UST: variants seen among roughly 807,000 people sequenced by gnomAD.
UST encodes the protein chondroitin sulfate 2-O-sulfotransferase.
In UST, 21 loss-of-function variants were observed where a neutral mutation model predicts 45.6. The ratio of observed to expected loss-of-function variants is 0.46; its 90% CI spans 0.33 to 0.66. The LOEUF (loss-of-function observed/expected upper bound fraction) is 0.66, where lower values mean the gene tolerates loss of function less well. Ranked by LOEUF, UST falls within the 30% of genes least tolerant of loss-of-function variation. The pLI is 0.02. For missense variants in UST, 463 were observed against 512.4 expected (o/e 0.90, Z 0.93); for synonymous variants, 215 against 200.6 (o/e 1.07, Z -0.61).
intron 1 of UST, among the ~76,000 whole-genome samples, chr6:148,852,636 A>G (rs766574941): frequency 5.9e-5 from 9 of 152,136 alleles, no homozygotes; most frequent in Non-Finnish European, 1.2e-4. Flanking sequence ...CTGCCTAGTG[A>G]ACTGTTCACT....
intron 1 of UST, among the ~76,000 whole-genome samples, chr6:148,772,053 G>C (rs35383725): frequency 0.036 from 5,431 of 152,284 alleles, 171 homozygotes; most frequent in Middle Eastern, 0.051. Context: ...TACATTGGCT[G>C]TTTATAAAAG....
chr6:149,051,013 C>CAG (rs2115036478), intron 7 of UST, among the ~76,000 whole-genome samples: 1 of 152,242 alleles, frequency 6.6e-6, no homozygotes, highest in South Asian at 2.1e-4. Flanking sequence ...GGCAGTTGGG[C>CAG]AGAAGGCACA....
At chr6:149,056,535 AAT>A (rs1776569015) in intron 7 of UST, among the ~76,000 whole-genome samples, 1 of 152,134 alleles carries the variant, frequency 6.6e-6, no homozygotes, top group South Asian at 2.1e-4. Flanking sequence ...CTCCTATACA[AAT>A]GGGAAGGTTG....
At chr6:148,788,609 G>A (rs983604952) in intron 1 of UST, among the ~76,000 whole-genome samples, 6 of 151,906 alleles carry the variant, frequency 3.9e-5, no homozygotes, top group Non-Finnish European at 4.4e-5. Context: ...TCCAATCTGC[G>A]TGGCTGTGAT....
At chr6:149,025,307 T>G (rs1776035238) in intron 7 of UST, among the ~76,000 whole-genome samples, 1 of 152,218 alleles carries the variant, frequency 6.6e-6, no homozygotes, top group African/African-American at 2.4e-5. Context: ...AAACTTAGCC[T>G]TTAGAACTTT....
intron 1 of UST, among the ~76,000 whole-genome samples, chr6:148,881,566 G>T (rs923387996): frequency 6.6e-6 from 1 of 152,200 alleles, no homozygotes; most frequent in Non-Finnish European, 1.5e-5. Context: ...GGAGGAGGGT[G>T]TCAGGAGCGT....
Position 149,074,297 on chromosome 6 carries a change from CTG to C in UST, c.*185_*186del, listed in dbSNP as rs1450623373. The C allele has an allele frequency of 2.0e-4, 137 of 677,612 alleles. 1 individual carries two copies. The highest frequency in any genetic ancestry group is 4.1e-5 in the South Asian group (2 of 49,344). 42.0% of individuals were successfully genotyped at this position (677,612 alleles called of 1,614,324 possible). ...CGGGTTTTATTTGTTTAATTTTATT[CTG>C]TGTTTTCTCTTGGCTCTTTGGGTCT... On this transcript the variant is annotated 3_prime_UTR_variant, in exon 8 of 8. Transcript: ENST00000367463.
At chr6:148,983,322 G>A (rs541602374) in intron 5 of UST, among the ~76,000 whole-genome samples, 4 of 152,274 alleles carry the variant, frequency 2.6e-5, no homozygotes, top group South Asian at 2.1e-4. Flanking sequence ...TGAGCCTACC[G>A]TCATTGGCAC....
At chr6:148,776,646 G>A (rs998438213) in intron 1 of UST, among the ~76,000 whole-genome samples, 2 of 152,172 alleles carry the variant, frequency 1.3e-5, no homozygotes, top group Admixed American at 1.3e-4. Flanking sequence ...CCAGATAATG[G>A]TGTTTTCTAG....
intron 1 of UST, among the ~76,000 whole-genome samples, chr6:148,769,994 G>A (rs935775513): frequency 4.6e-5 from 7 of 151,818 alleles, no homozygotes; most frequent in Non-Finnish European, 5.9e-5. Flanking sequence ...TATGTCCTAA[G>A]ATCTCTGACT....
intron 1 of UST, among the ~76,000 whole-genome samples, chr6:148,763,812 G>A (rs1334349639): frequency 6.6e-6 from 1 of 152,108 alleles, no homozygotes; most frequent in African/African-American, 2.4e-5. Flanking sequence ...TTGTAGGTAA[G>A]CGGCTTTATT....
chr6:148,983,939 C>T (rs1009133192), intron 5 of UST, among the ~76,000 whole-genome samples: 1 of 152,174 alleles, frequency 6.6e-6, no homozygotes, highest in African/African-American at 2.4e-5. Context: ...CACACGATAA[C>T]ATCGATGCCA....
chr6:149,023,813 G>A (rs1037945867), intron 7 of UST, among the ~76,000 whole-genome samples: 1 of 152,026 alleles, frequency 6.6e-6, no homozygotes, highest in Non-Finnish European at 1.5e-5. Flanking sequence ...CTCTTGTCGT[G>A]GTATATCATA....
At chr6:148,830,119 C>G (rs1777653372) in intron 1 of UST, among the ~76,000 whole-genome samples, 1 of 152,086 alleles carries the variant, frequency 6.6e-6, no homozygotes, top group South Asian at 2.1e-4. Context: ...TTGGAGAAAC[C>G]AATACCTCCC....
intron 7 of UST, among the ~76,000 whole-genome samples, chr6:149,040,049 T>C (rs1175631569): frequency 2.0e-5 from 3 of 152,190 alleles, no homozygotes; most frequent in Admixed American, 2.0e-4. Flanking sequence ...GGCCTGTTCC[T>C]CCACCACCCC....
At chr6:148,815,626 A>T (rs897185159) in intron 1 of UST, among the ~76,000 whole-genome samples, 5 of 152,260 alleles carry the variant, frequency 3.3e-5, no homozygotes, top group Non-Finnish European at 7.3e-5. Flanking sequence ...CATACTTAAA[A>T]ATATCATTGC....
chr6:148,865,145 G>A (rs575898129), intron 1 of UST, among the ~76,000 whole-genome samples: 24 of 152,174 alleles, frequency 1.6e-4, no homozygotes, highest in Non-Finnish European at 1.2e-4. Flanking sequence ...ACAGTACTTC[G>A]ATGACTCCAT....
chr6:148,913,863 A>G (rs544817613), intron 2 of UST, among the ~76,000 whole-genome samples: 344 of 152,348 alleles, frequency 2.3e-3, no homozygotes, highest in African/African-American at 7.8e-3. Context: ...AGTATAGGTT[A>G]CAAAGCCCTA....
chr6:148,858,733 T>A (rs1778251860), intron 1 of UST, among the ~76,000 whole-genome samples: 1 of 151,966 alleles, frequency 6.6e-6, no homozygotes, highest in South Asian at 2.1e-4. Context: ...CACCTATGAG[T>A]GAGAACATGT....
Sources: gnomAD v4.1 joint callset for allele counts (sites outside exome capture counted in the v4.1 genomes callset) on GRCh38, gnomAD v4.1.1 for gene constraint, MANE v1.5 for transcripts, NCBI Gene and HGNC (gene_info 2026-07-23, HGNC 2026-07-21) for gene names.